PNPLA3: variants seen among roughly 807,000 people sequenced by gnomAD.
The protein encoded by PNPLA3 is patatin like domain 3, 1-acylglycerol-3-phosphate O-acyltransferase.
In PNPLA3, 42 loss-of-function variants were observed where a neutral mutation model predicts 43.1. That is an observed-to-expected ratio of 0.97 (90% confidence interval 0.76 to 1.26). The LOEUF is 1.26. Ranked by LOEUF, PNPLA3 falls within the 50% of genes most tolerant of loss-of-function variation. The pLI is 0.00. For synonymous variants in PNPLA3, 272 were observed against 253.6 expected (o/e 1.07, Z -0.69); for missense variants, 647 against 621.4 (o/e 1.04, Z -0.44).
intron 3 of PNPLA3, 107 bp downstream of exon 3, chr22:43,928,996 A>G (rs2049944008): frequency 4.3e-6 from 5 of 1,157,180 alleles, no homozygotes; most frequent in Non-Finnish European, 6.5e-6. Context: ...GGTCTGTCCC[A>G]TGGTGGAGCC....
chr22:43,942,863 C>T (rs2050040442), intron 7 of PNPLA3, among the ~76,000 whole-genome samples: 3 of 151,902 alleles, frequency 2.0e-5, no homozygotes, highest in Non-Finnish European at 1.5e-5. Flanking sequence ...TCACCACACC[C>T]AACAAATATT....
rs1464977171 is a variant in PNPLA3 at position 43,947,476 on chromosome 22, C to G, written c.*1094C>G. 1 of 158,118 alleles carries G rather than the reference C, an allele frequency of 6.3e-6. No homozygotes were observed. Among genetic ancestry groups the G allele is most frequent in the Non-Finnish European group, 1.4e-5 (1 of 72,046 alleles). 9.8% of individuals were successfully genotyped at this position (158,118 alleles called of 1,614,324 possible). On this transcript the variant is annotated 3_prime_UTR_variant, in exon 9 of 9. Coordinates refer to ENST00000216180, the MANE Select transcript of PNPLA3 (RefSeq NM_025225.3). ...GCCTCCTCTCCACTGGAGCACACAA[C>G]TTGAACCTGGCTTATTTTCTGCAGG... is the stretch of plus-strand genomic sequence containing the variant.
chr22:43,926,525 T>C (rs901199057), intron 1 of PNPLA3, among the ~76,000 whole-genome samples: 2 of 152,216 alleles, frequency 1.3e-5, no homozygotes, highest in African/African-American at 4.8e-5. Flanking sequence ...GGGAGACTCA[T>C]TCCTGTGGCT....
At position 43,923,969 on chromosome 22, in the gene PNPLA3, T is replaced by TTC. The variant is rs760087797; in HGVS notation, c.60_61dup (p.Tyr21SerfsTer10). On this transcript the variant is annotated frameshift_variant, in exon 1 of 9. Coordinates refer to ENST00000216180, the MANE Select transcript of PNPLA3 (RefSeq NM_025225.3). LOFTEE classifies it high-confidence loss of function. ...CTTCGCGGGCTGCGGCTTCCTGGGCTTCTACCACGTCGGGGCGACCCGCTG... is the reference window on the plus strand; with the variant it reads ...CTTCGCGGGCTGCGGCTTCCTGGGCTTCTCTACCACGTCGGGGCGACCCGCTG... 1.8e-5 allele frequency: 28 copies of TTC among 1,585,292 alleles called. No homozygotes were observed. The highest frequency in any genetic ancestry group is 5.1e-6 in the Non-Finnish European group (6 of 1,174,268).
intron 5 of PNPLA3, among the ~76,000 whole-genome samples, chr22:43,935,614 G>C (rs116281826): frequency 6.6e-6 from 1 of 151,930 alleles, no homozygotes; most frequent in Non-Finnish European, 1.5e-5. Context: ...CCATGGATGC[G>C]AGGCCTGTAG....
At chr22:43,941,849 G>A (rs1309648822) in intron 7 of PNPLA3, among the ~76,000 whole-genome samples, 1 of 152,052 alleles carries the variant, frequency 6.6e-6, no homozygotes, top group Non-Finnish European at 1.5e-5. Flanking sequence ...AAAATATTGA[G>A]CTAATACAGG....
rs1051040163 is a variant in PNPLA3, at chr22:43,924,086, G to C, written c.175G>C (p.Gly59Arg). Residue 59 changes from glycine to arginine, a missense_variant, in exon 1 of 9, where the codon GGT becomes CGT. Coordinates refer to ENST00000216180, the MANE Select transcript of PNPLA3 (RefSeq NM_025225.3). ...GTTGCACTGCGTCGGCGTCCTCTCC[G>C]GTATCCCGCTGGGTGCGTCTGGGGA... ...GALHCVGVLS[G>R]IPLEQTLQVL... 3 of 1,559,948 alleles carry C rather than the reference G, an allele frequency of 1.9e-6. No homozygotes were observed. Among genetic ancestry groups the C allele is most frequent in the Non-Finnish European group, 2.6e-6 (3 of 1,162,922 alleles).
At chr22:43,934,173 C>T (rs1174954169) in intron 4 of PNPLA3, among the ~76,000 whole-genome samples, 7 of 151,990 alleles carry the variant, frequency 4.6e-5, no homozygotes, top group South Asian at 2.1e-4. Flanking sequence ...AAAAATTACC[C>T]GGGCATGGTG....
rs1340161393 is a variant in PNPLA3, at chr22:43,928,905, C to G, written c.486+16C>G. The G allele has an allele frequency of 6.3e-7, 1 of 1,599,864 alleles. No individual in the cohort carries two copies. The highest frequency in any genetic ancestry group is 8.6e-7 in the Non-Finnish European group (1 of 1,167,032). ...CAGAGGCGTGGTAAGTCGGCTTTCT[C>G]TGCTAGCGCTGAGTCCTGGGGGCCT... On this transcript the variant is annotated intron_variant, in intron 3 of 8. Coordinates refer to ENST00000216180, the MANE Select transcript of PNPLA3 (RefSeq NM_025225.3).
rs1490539234 is a variant in PNPLA3 at position 43,923,976 on chromosome 22, A to T, written c.65A>T (p.His22Leu). 1 of 1,585,192 alleles carries T rather than the reference A, an allele frequency of 6.3e-7. No individual in the cohort carries two copies. Among genetic ancestry groups the T allele is most frequent in the South Asian group, 1.1e-5 (1 of 89,044 alleles). Residue 22 changes from histidine (H) to leucine (L), a missense_variant, in exon 1 of 9, where the codon CAC becomes CTC. By Grantham distance (99) the His-to-Leu change is moderately conservative. Transcript: ENST00000216180. ...FAGCGFLGFY[H>L]VGATRCLSEH... ...GGCTGCGGCTTCCTGGGCTTCTACC[A>T]CGTCGGGGCGACCCGCTGCCTGAGC...
At chr22:43,930,101 G>A (rs1034954215) in intron 3 of PNPLA3, among the ~76,000 whole-genome samples, 1 of 152,168 alleles carries the variant, frequency 6.6e-6, no homozygotes, top group Non-Finnish European at 1.5e-5. Context: ...GCAGAGCCAC[G>A]TGGCAGAGGG....
chr22:43,936,450 C>T (rs2049995936), intron 5 of PNPLA3, among the ~76,000 whole-genome samples: 1 of 152,114 alleles, frequency 6.6e-6, no homozygotes, highest in Admixed American at 6.5e-5. Context: ...AGAGCAAGGG[C>T]CGCTCACTGG....
chr22:43,935,543 G>A (rs1018238453), intron 5 of PNPLA3, among the ~76,000 whole-genome samples: 4 of 152,220 alleles, frequency 2.6e-5, no homozygotes, highest in African/African-American at 4.8e-5. Context: ...AGGGCCTCTC[G>A]GAGGACGTGA....
At chr22:43,924,332 C>CT in intron 1 of PNPLA3, 1 of 520,580 alleles carries the variant, frequency 1.9e-6, no homozygotes, top group Non-Finnish European at 3.3e-6. Context: ...GCCTGGGACT[C>CT]TCGTGCGTCC....
At chr22:43,943,175 A>G (rs117772800) in intron 7 of PNPLA3, among the ~76,000 whole-genome samples, 7,010 of 152,192 alleles carry the variant, frequency 0.046, 221 homozygotes, top group Middle Eastern at 0.078. Context: ...TTATGGATGT[A>G]ACATTCTCTT....
chr22:43,934,543 A>G, intron 4 of PNPLA3, 63 bp from the exon 5 acceptor site: 1 of 1,489,672 alleles, frequency 6.7e-7, no homozygotes, highest in Non-Finnish European at 9.4e-7. Flanking sequence ...TCTTCCAATG[A>G]TGCTGAAATA....
chr22:43,928,929 C>T (rs749889089), intron 3 of PNPLA3, 40 bp downstream of exon 3: 343 of 1,559,958 alleles, frequency 2.2e-4, no homozygotes, highest in Non-Finnish European at 2.8e-4. Flanking sequence ...TCCTGGGGGC[C>T]TCTGAAGTGT....
intron 5 of PNPLA3, among the ~76,000 whole-genome samples, chr22:43,935,390 A>G (rs371467756): frequency 2.6e-5 from 4 of 152,238 alleles, no homozygotes; most frequent in East Asian, 1.9e-4. Context: ...GCCTTGTGAG[A>G]GAAGTGAGCA....
intron 7 of PNPLA3, among the ~76,000 whole-genome samples, chr22:43,941,864 A>T (rs1002852451): frequency 6.6e-6 from 1 of 152,064 alleles, no homozygotes; most frequent in Non-Finnish European, 1.5e-5. Context: ...TACAGGCATC[A>T]GGAATGGGGC....
Sources: allele counts gnomAD v4.1 joint callset (sites outside exome capture counted in the v4.1 genomes callset), GRCh38; gene constraint gnomAD v4.1.1; transcripts MANE v1.5; gene names NCBI Gene and HGNC (gene_info 2026-07-23, HGNC 2026-07-21).